Variants in MAP2K1 observed in about 807,000 individuals in gnomAD.
MAP2K1 encodes the protein mitogen-activated protein kinase kinase 1, also known as dual specificity mitogen-activated protein kinase kinase 1.
Under a neutral mutation model 46.3 loss-of-function variants are expected in MAP2K1, and 16 were observed. That is an observed-to-expected ratio of 0.35 (90% CI 0.23 to 0.52). MAP2K1 has a LOEUF of 0.52. Ranked by LOEUF, MAP2K1 falls within the 20% of genes least tolerant of loss-of-function variation. The pLI is 0.94. For synonymous variants in MAP2K1, 183 were observed against 185.6 expected, an observed-to-expected ratio of 0.99 and a Z score of 0.11; for missense variants, 263 against 497.1, an observed-to-expected ratio of 0.53 and a Z score of 4.48.
At chr15:66,444,761 G>A in intron 5 of MAP2K1, 54 bp downstream of exon 5, 1 of 1,373,946 alleles carries the variant, frequency 7.3e-7, no homozygotes, top group Non-Finnish European at 1.0e-6. Flanking sequence ...TAATCCAAAG[G>A]CTGTTGCTTC....
chr15:66,428,955 T>C (rs2093467484), intron 1 of MAP2K1, among the ~76,000 whole-genome samples: 2 of 151,900 alleles, frequency 1.3e-5, no homozygotes, highest in Non-Finnish European at 2.9e-5. Context: ...AATTTTTCTA[T>C]TTTTTGTAGA....
In MAP2K1 at chr15:66,477,162, G is replaced by T. The variant is rs1179577488; in HGVS notation, c.569-4593G>T. Among the ~76,000 whole-genome samples the T allele has an allele frequency of 2.6e-5, 4 of 152,228 alleles. No homozygotes were observed. In the East Asian group the frequency reaches 7.7e-4, roughly 29 times the overall value. On this transcript the variant is annotated intron_variant, in intron 5 of 10. Coordinates refer to ENST00000307102, the MANE Select transcript of MAP2K1 (RefSeq NM_002755.4). ...CCTAGGCAGTGTTTTTCCCTGGAGC[G>T]GGTGGGAGAAGCTGGAGCTGACAGC... is the stretch of plus-strand genomic sequence containing the variant.
chr15:66,413,087 G>C (rs1469572891), intron 1 of MAP2K1, among the ~76,000 whole-genome samples: 2 of 152,116 alleles, frequency 1.3e-5, no homozygotes, highest in East Asian at 3.9e-4. Context: ...GTAGAGACAG[G>C]GTTTCACCAT....
intron 1 of MAP2K1, among the ~76,000 whole-genome samples, chr15:66,396,204 G>C (rs1204692495): frequency 6.6e-6 from 1 of 152,180 alleles, no homozygotes; most frequent in South Asian, 2.1e-4. Context: ...ATTTAAAAAT[G>C]ATGGCCTCGA....
chr15:66,449,835 C>T (rs1490577541), intron 5 of MAP2K1, among the ~76,000 whole-genome samples: 2 of 152,108 alleles, frequency 1.3e-5, no homozygotes, highest in South Asian at 2.1e-4. Flanking sequence ...GAGCCAAGAT[C>T]ATGCCATTGC....
intron 5 of MAP2K1, among the ~76,000 whole-genome samples, chr15:66,457,276 G>A (rs576423659): frequency 6.6e-6 from 1 of 152,208 alleles, no homozygotes; most frequent in Admixed American, 6.5e-5. Context: ...GTGCCACTAC[G>A]CCTGCTAATT....
chr15:66,388,904 C>CTTTTTTT (rs72328500), intron 1 of MAP2K1, among the ~76,000 whole-genome samples: 18 of 111,930 alleles, frequency 1.6e-4, no homozygotes, highest in African/African-American at 2.4e-4. Flanking sequence ...AACATTTGTT[C>CTTTTTTT]TTTTTTTTTT....
At chr15:66,484,741 A>C (rs1261677887) in intron 6 of MAP2K1, among the ~76,000 whole-genome samples, 1 of 152,226 alleles carries the variant, frequency 6.6e-6, no homozygotes, top group Non-Finnish European at 1.5e-5. Context: ...ACAGCTGATT[A>C]CATGTGGTCT....
intron 5 of MAP2K1, among the ~76,000 whole-genome samples, chr15:66,475,191 G>A (rs1171469933): frequency 1.3e-5 from 2 of 152,164 alleles, no homozygotes; most frequent in Non-Finnish European, 2.9e-5. Context: ...ATAGCTGGAG[G>A]TGGCTCTGTA....
At chr15:66,442,891 A>G (rs886682106) in intron 3 of MAP2K1, among the ~76,000 whole-genome samples, 13 of 152,146 alleles carry the variant, frequency 8.5e-5, no homozygotes, top group African/African-American at 2.4e-4. Flanking sequence ...TCAGGGAAAC[A>G]CTTAATTTTA....
intron 4 of MAP2K1, among the ~76,000 whole-genome samples, chr15:66,444,093 C>T (rs2140600330): frequency 6.6e-6 from 1 of 151,618 alleles, no homozygotes; most frequent in South Asian, 2.1e-4. Flanking sequence ...ACAAAATTAG[C>T]CGGGGGTGTT....
At chr15:66,446,895 G>T in intron 5 of MAP2K1, 1 of 163,248 alleles carries the variant, frequency 6.1e-6, no homozygotes, top group East Asian at 1.8e-4. Context: ...TACATTCGTT[G>T]AAAGTCAGCT....
At chr15:66,443,456 G>T (rs1212155964) in intron 4 of MAP2K1, 99 bp downstream of exon 4, 5 of 785,514 alleles carry the variant, frequency 6.4e-6, no homozygotes, top group Non-Finnish European at 1.1e-5. Flanking sequence ...TCAATGAGGG[G>T]AAAGTTTATA....
At chr15:66,463,815 T>A (rs757988345) in intron 5 of MAP2K1, among the ~76,000 whole-genome samples, 2 of 152,174 alleles carry the variant, frequency 1.3e-5, no homozygotes, top group Non-Finnish European at 2.9e-5. Context: ...TAGGGAGTCG[T>A]GAGACATCAA....
chr15:66,437,240 G>A (rs2093490722), intron 3 of MAP2K1, among the ~76,000 whole-genome samples: 1 of 152,190 alleles, frequency 6.6e-6, no homozygotes, highest in African/African-American at 2.4e-5. Context: ...TGTATGCTAG[G>A]TGCAAGGCTC....
At chr15:66,448,425 G>T (rs945116400) in intron 5 of MAP2K1, among the ~76,000 whole-genome samples, 1 of 152,176 alleles carries the variant, frequency 6.6e-6, no homozygotes, top group African/African-American at 2.4e-5. Context: ...CACTGCATTG[G>T]GGGTAGAGTG....
chr15:66,453,358 T>C (rs1209770516), intron 5 of MAP2K1: 1 of 632,792 alleles, frequency 1.6e-6, no homozygotes, highest in Non-Finnish European at 2.8e-6. Flanking sequence ...TGATGGAGAG[T>C]TTACCACTTG....
intron 1 of MAP2K1, among the ~76,000 whole-genome samples, chr15:66,421,979 A>G (rs539032488): frequency 6.6e-6 from 1 of 151,478 alleles, no homozygotes; most frequent in Admixed American, 6.6e-5. Context: ...CCTCAACTAC[A>G]CAGCTGCCTG....
Position 66,490,558 on chromosome 15 carries a change from C to A in MAP2K1, c.1125C>A (p.Leu375=). 1 of 1,614,194 alleles carries A rather than the reference C, an allele frequency of 6.2e-7. No homozygotes were observed. Among genetic ancestry groups the A allele is most frequent in the Non-Finnish European group, 8.5e-7 (1 of 1,180,022 alleles). ...DAEEVDFAGW[L]CSTIGLNQPS... ...AGGAAGTGGATTTTGCAGGTTGGCT[C>A]TGCTCCACCATCGGCCTTAACCAGC... Residue 375 remains leucine, a synonymous_variant, in exon 11 of 11, where the codon CTC becomes CTA. Transcript: ENST00000307102.
Sources: gnomAD v4.1 joint callset for allele counts (sites outside exome capture counted in the v4.1 genomes callset) on GRCh38, gnomAD v4.1.1 for gene constraint, MANE v1.5 for transcripts, NCBI Gene and HGNC (gene_info 2026-07-23, HGNC 2026-07-21) for gene names.